The following CNBP variants were observed in gnomAD, a reference collection of about 807,000 sequenced individuals.
The protein encoded by CNBP is CCHC-type zinc finger nucleic acid binding protein, also known as cellular nucleic acid-binding protein.
CNBP carries 6 observed loss-of-function variants against 21.2 expected under a neutral mutation model. The observed-to-expected ratio is 0.28, with a 90% CI of 0.16 to 0.56. The LOEUF (loss-of-function observed/expected upper bound fraction) is 0.56. CNBP is among the 20% of genes least tolerant of loss of function. CNBP has a pLI of 0.93. For synonymous variants in CNBP, 61 were observed against 74.9 expected, an observed-to-expected ratio of 0.81 and a Z score of 0.96; for missense variants, 112 against 233.1, an observed-to-expected ratio of 0.48 and a Z score of 3.38.
Position 129,168,940 on chromosome 3 carries a change from C to CAA in CNBP, c.*1511_*1512dup, listed in dbSNP as rs11401192. Among the ~76,000 whole-genome samples the CAA allele has an allele frequency of 3.4e-3, 489 of 143,994 alleles. 4 individuals carry two copies. Among genetic ancestry groups the CAA allele is most frequent in the Admixed American group, 7.6e-3 (109 of 14,436 alleles). 94.5% of individuals were successfully genotyped at this position (143,994 alleles called of 152,430 possible). On this transcript the variant is annotated 3_prime_UTR_variant, in exon 5 of 5. Transcript: ENST00000422453. ...TGAAACCCCGTCTTTACTAAAAATA[C>CAA]AAAAAAAAAAAATTAGCTGGGCGCG...
chr3:129,171,415 G>A, intron 3 of CNBP, 31 bp downstream of exon 3: 1 of 1,602,648 alleles, frequency 6.2e-7, no homozygotes, highest in Non-Finnish European at 8.6e-7. Flanking sequence ...AAGCTCTAGA[G>A]GGGTATGAAA....
chr3:129,175,586 C>T (rs923686129), intron 1 of CNBP, among the ~76,000 whole-genome samples: 3 of 151,894 alleles, frequency 2.0e-5, no homozygotes, highest in Non-Finnish European at 2.9e-5. Flanking sequence ...TGCACCACCA[C>T]GCCCAGGTAA....
chr3:129,174,295 G>A (rs1315641557), intron 1 of CNBP, among the ~76,000 whole-genome samples: 1 of 134,778 alleles, frequency 7.4e-6, no homozygotes, highest in Non-Finnish European at 1.5e-5. Flanking sequence ...ACTAGTATTA[G>A]CATCCTAAAT....
intron 1 of CNBP, among the ~76,000 whole-genome samples, chr3:129,174,331 C>A (rs1362453423): frequency 7.4e-6 from 1 of 135,328 alleles, no homozygotes; most frequent in African/African-American, 2.9e-5. Context: ...CTGGTTTCCA[C>A]CACAGAAGAG....
Position 129,170,467 on chromosome 3 carries a change from C to T in CNBP, c.520G>A (p.Glu174Lys), listed in dbSNP as rs1317323944. 6.2e-7 allele frequency: 1 copy of T among 1,613,794 alleles called. No individual in the cohort carries two copies. Among genetic ancestry groups the T allele is most frequent in the South Asian group, 1.1e-5 (1 of 91,076 alleles). The change falls in exon 5 of 5, where the codon GAG (glutamate) becomes AAG (lysine). Residue 174 changes from glutamate (E) to lysine (K), a missense_variant. Coordinates refer to ENST00000422453, the MANE Select transcript of CNBP (RefSeq NM_003418.5). ...SGHLARECTI[E>K]ATA ...AAGGAAAATAATTAGGCTGTAGCCT[C>T]AATTGTGCATTCCCGTGCAAGGTGC...
intron 1 of CNBP, among the ~76,000 whole-genome samples, chr3:129,180,762 C>T (rs74512743): frequency 3.6e-5 from 5 of 140,022 alleles, no homozygotes; most frequent in African/African-American, 5.2e-5. Context: ...AGGAACCAAT[C>T]TTTTTTTTTT....
intron 1 of CNBP, among the ~76,000 whole-genome samples, chr3:129,176,416 C>G (rs1277739813): frequency 6.6e-6 from 1 of 152,222 alleles, no homozygotes; most frequent in African/African-American, 2.4e-5. Context: ...TGCCTTGTAT[C>G]ATATTCCTTG....
chr3:129,176,209 C>T, intron 1 of CNBP, among the ~76,000 whole-genome samples: 1 of 152,154 alleles, frequency 6.6e-6, no homozygotes, highest in East Asian at 1.9e-4. Flanking sequence ...CCTGTGACTG[C>T]TCCTGGCTGG....
At chr3:129,171,332 T>A in intron 3 of CNBP, 55 bp from the exon 4 acceptor site, 4 of 1,608,232 alleles carry the variant, frequency 2.5e-6, no homozygotes, top group Non-Finnish European at 3.4e-6. Context: ...TACAAAGTGT[T>A]ACGTTTTAAA....
chr3:129,174,156 T>A (rs1285019261), intron 1 of CNBP, among the ~76,000 whole-genome samples: 3 of 152,078 alleles, frequency 2.0e-5, no homozygotes, highest in African/African-American at 7.2e-5. Flanking sequence ...ATTATATGGC[T>A]ATGAGTTACT....
chr3:129,181,159 G>A (rs953319354), intron 1 of CNBP, among the ~76,000 whole-genome samples: 2 of 138,912 alleles, frequency 1.4e-5, no homozygotes, highest in Non-Finnish European at 3.1e-5. Context: ...AGAATTGCTT[G>A]AGCCCGGGAG....
chr3:129,174,088 C>A (rs957982375), intron 1 of CNBP, among the ~76,000 whole-genome samples: 1 of 152,076 alleles, frequency 6.6e-6, no homozygotes, highest in African/African-American at 2.4e-5. Flanking sequence ...AGGATAAATT[C>A]TTAGAGAAAT....
At chr3:129,175,440 T>A (rs1442389232) in intron 1 of CNBP, among the ~76,000 whole-genome samples, 1 of 150,868 alleles carries the variant, frequency 6.6e-6, no homozygotes, top group East Asian at 1.9e-4. Context: ...TGCTTTTTTT[T>A]TTTTTTTTTT....
In CNBP at chr3:129,168,011, A is replaced by C. The variant is rs887013776; in HGVS notation, c.*2442T>G. Among the ~76,000 whole-genome samples, 1 of 152,082 alleles carries C rather than the reference A, an allele frequency of 6.6e-6. No individual in the cohort carries two copies. The highest frequency in any genetic ancestry group is 2.4e-5 in the African/African-American group (1 of 41,312). On this transcript the variant is annotated 3_prime_UTR_variant, in exon 5 of 5. Transcript: ENST00000422453. ...GGAATGTGCACAGCACAGCTGAGAC[A>C]CCACCATTTTAACACTGAATCACTA...
At chr3:129,176,958 A>C (rs1185118523) in intron 1 of CNBP, among the ~76,000 whole-genome samples, 1 of 152,222 alleles carries the variant, frequency 6.6e-6, no homozygotes, top group Non-Finnish European at 1.5e-5. Context: ...ATTAGATTTC[A>C]GATTATCTAA....
intron 1 of CNBP, among the ~76,000 whole-genome samples, chr3:129,173,380 G>A (rs1937670793): frequency 6.6e-6 from 1 of 152,150 alleles, no homozygotes; most frequent in African/African-American, 2.4e-5. Context: ...GATACCAAGA[G>A]ATGACTGTAT....
chr3:129,170,975 G>T (rs1043001084), intron 4 of CNBP, 104 bp downstream of exon 4: 2 of 1,223,816 alleles, frequency 1.6e-6, no homozygotes, highest in East Asian at 4.7e-5. Flanking sequence ...TCTGGTCACA[G>T]CTAAGTTTCA....
intron 3 of CNBP, 71 bp from the exon 4 acceptor site, chr3:129,171,348 C>T (rs563531287): frequency 4.4e-6 from 7 of 1,599,328 alleles, no homozygotes; most frequent in East Asian, 2.2e-5. Context: ...TTAAATTATA[C>T]AATACAAAAC....
intron 4 of CNBP, 80 bp from the exon 5 acceptor site, chr3:129,170,650 A>C: frequency 9.4e-7 from 1 of 1,060,414 alleles, no homozygotes. Context: ...ATGCAGAACA[A>C]AACGCCTGAT....
Sources: gnomAD v4.1 joint callset for allele counts (sites outside exome capture counted in the v4.1 genomes callset) on GRCh38, gnomAD v4.1.1 for gene constraint, MANE v1.5 for transcripts, NCBI Gene and HGNC (gene_info 2026-07-23, HGNC 2026-07-21) for gene names.